The following SYT10 variants were observed in gnomAD, a reference collection of about 807,000 sequenced individuals.
SYT10 encodes synaptotagmin 10.
A neutral mutation model predicts 51.1 loss-of-function variants in SYT10; 31 were observed. That is an observed-to-expected ratio of 0.61 (90% confidence interval 0.46 to 0.82). SYT10 has a LOEUF of 0.82. Among genes scored for constraint, SYT10 ranks in the 40% least tolerant of loss-of-function variants. SYT10 has a pLI of 0.00. For missense variants in SYT10, 603 were observed against 634.0 expected (o/e 0.95, Z 0.53); for synonymous variants, 233 against 225.9 (o/e 1.03, Z -0.28).
In SYT10 at chr12:33,439,751, G is replaced by C. The variant is rs1477562044; in HGVS notation, c.-229C>G. ...CGCGAGGAGGCTGCGGCTGCCGCGA[G>C]GTTTGCGCCAACTCTCCCGCCGCGC... On this transcript the variant is annotated 5_prime_UTR_variant, in exon 1 of 7. Transcript: ENST00000228567. The C allele has an allele frequency of 1.9e-6, 1 of 536,686 alleles. No homozygotes were observed. Among genetic ancestry groups the C allele is most frequent in the Non-Finnish European group, 3.2e-6 (1 of 309,616 alleles). 33.2% of individuals were successfully genotyped at this position (536,686 alleles called of 1,614,324 possible). A position where few individuals can be genotyped will look rare whatever the true frequency, so the allele number is the denominator to read the frequency against.
intron 3 of SYT10, among the ~76,000 whole-genome samples, chr12:33,396,960 C>T (rs1320572038): frequency 6.6e-6 from 1 of 152,094 alleles, no homozygotes; most frequent in Non-Finnish European, 1.5e-5. Context: ...TTAAGGAGAT[C>T]CTTTGAAGTT....
intron 2 of SYT10, among the ~76,000 whole-genome samples, chr12:33,412,137 C>T (rs1254241336): frequency 2.0e-5 from 3 of 151,972 alleles, no homozygotes; most frequent in Non-Finnish European, 4.4e-5. Flanking sequence ...CTCCCTTGTG[C>T]TTTTCAATAT....
chr12:33,393,571 T>C (rs1452758059), intron 3 of SYT10, among the ~76,000 whole-genome samples: 1 of 152,204 alleles, frequency 6.6e-6, no homozygotes, highest in African/African-American at 2.4e-5. Flanking sequence ...CACTTCTTGC[T>C]CTCAAAGTTT....
chr12:33,384,626 T>C (rs572481140), intron 4 of SYT10, among the ~76,000 whole-genome samples: 52 of 152,350 alleles, frequency 3.4e-4, no homozygotes, highest in Non-Finnish European at 6.5e-4. Context: ...TTAGCACAAG[T>C]AGAATTTCCT....
In SYT10 at chr12:33,379,815, G is replaced by A; in HGVS notation, c.1500+17C>T. ...GAGACAACAAAAAGAGCAGACGTAA[G>A]GAACTCACAAGCTTACCTCCAGCAA... On this transcript the variant is annotated intron_variant, in intron 6 of 6. Coordinates refer to ENST00000228567, the MANE Select transcript of SYT10 (RefSeq NM_198992.4). 6.2e-7 allele frequency: 1 copy of A among 1,613,466 alleles called. No individual in the cohort carries two copies. The highest frequency in any genetic ancestry group is 8.5e-7 in the Non-Finnish European group (1 of 1,179,644).
chr12:33,410,787 AT>A (rs1866398482), intron 2 of SYT10, among the ~76,000 whole-genome samples: 1 of 152,232 alleles, frequency 6.6e-6, no homozygotes. Context: ...TATGAAAAAA[AT>A]AATGTCAAAT....
intron 3 of SYT10, among the ~76,000 whole-genome samples, chr12:33,390,188 G>A (rs889878772): frequency 2.0e-5 from 3 of 152,270 alleles, no homozygotes; most frequent in African/African-American, 7.2e-5. Context: ...ACAAACAATC[G>A]CTGATGTGAA....
rs533464317 is a variant in SYT10 at position 33,396,793 on chromosome 12, G to A, written c.1077+9996C>T. On this transcript the variant is annotated intron_variant, in intron 3 of 6. Coordinates refer to ENST00000228567, the MANE Select transcript of SYT10 (RefSeq NM_198992.4). ...CCACCTCCTGGGTTGAAGCAATTCTGCCTCAGCCTCCCAAATAGCTGGGAC... is the reference window on the plus strand; with the variant it reads ...CCACCTCCTGGGTTGAAGCAATTCTACCTCAGCCTCCCAAATAGCTGGGAC... Among the ~76,000 whole-genome samples, 4 of 151,314 alleles carry A rather than the reference G, an allele frequency of 2.6e-5. No homozygotes were observed. In the East Asian group the frequency reaches 7.8e-4, roughly 30 times the overall value.
At chr12:33,389,891 A>G (rs1866189018) in intron 3 of SYT10, among the ~76,000 whole-genome samples, 1 of 152,202 alleles carries the variant, frequency 6.6e-6, no homozygotes, top group African/African-American at 2.4e-5. Context: ...TATTGGACTC[A>G]AACCACTGTA....
At chr12:33,405,329 C>T (rs12313930) in intron 3 of SYT10, 55 of 151,996 alleles carry the variant, frequency 3.6e-4, no homozygotes, top group African/African-American at 1.3e-3. Context: ...TCATGTTTTC[C>T]CCGTGGGAAT....
intron 3 of SYT10, among the ~76,000 whole-genome samples, chr12:33,402,043 A>G (rs1432213671): frequency 6.6e-6 from 1 of 152,162 alleles, no homozygotes; most frequent in South Asian, 2.1e-4. Flanking sequence ...ACCAGCCTCA[A>G]TAGGCTTTGT....
At chr12:33,404,176 CT>C (rs1228386060) in intron 3 of SYT10, among the ~76,000 whole-genome samples, 4 of 151,974 alleles carry the variant, frequency 2.6e-5, no homozygotes, top group Non-Finnish European at 5.9e-5. Flanking sequence ...GCAAAAGGGG[CT>C]TTGTGGATGT....
intron 2 of SYT10, among the ~76,000 whole-genome samples, chr12:33,411,981 G>C (rs1443346239): frequency 1.3e-5 from 2 of 152,038 alleles, no homozygotes; most frequent in Non-Finnish European, 2.9e-5. Context: ...ATATTCTTAA[G>C]ATATTTAGGA....
At position 33,374,756 on chromosome 12, in the gene SYT10, T is replaced by G. The variant is rs1392561199; in HGVS notation, c.*2074A>C. ...CAATTCCCATATTAGAGTCTTCTGATTGGCCAATGGTTCACATTTTTTCAT... is the reference window on the plus strand; with the variant it reads ...CAATTCCCATATTAGAGTCTTCTGAGTGGCCAATGGTTCACATTTTTTCAT... On this transcript the variant is annotated 3_prime_UTR_variant, in exon 7 of 7. Coordinates refer to ENST00000228567, the MANE Select transcript of SYT10 (RefSeq NM_198992.4). 6.6e-6 allele frequency: 1 copy of G among 151,908 alleles called. No individual in the cohort carries two copies. The highest frequency in any genetic ancestry group is 1.5e-5 in the Non-Finnish European group (1 of 67,888). 9.4% of individuals were successfully genotyped at this position (151,908 alleles called of 1,614,324 possible).
chr12:33,378,176 T>A (rs953314684), intron 6 of SYT10, among the ~76,000 whole-genome samples: 3 of 152,298 alleles, frequency 2.0e-5, no homozygotes, highest in Non-Finnish European at 4.4e-5. Flanking sequence ...ATTTACACAA[T>A]CTTGTTCTCA....
At chr12:33,402,205 C>T (rs1465690585) in intron 3 of SYT10, among the ~76,000 whole-genome samples, 1 of 152,196 alleles carries the variant, frequency 6.6e-6, no homozygotes, top group Non-Finnish European at 1.5e-5. Flanking sequence ...ATAGAAACTC[C>T]TATGACATTA....
chr12:33,425,572 T>C (rs1328208764), intron 2 of SYT10, among the ~76,000 whole-genome samples: 1 of 152,158 alleles, frequency 6.6e-6, no homozygotes, highest in Non-Finnish European at 1.5e-5. Flanking sequence ...GTGGAACTTA[T>C]ACTTTGCCCA....
Position 33,439,367 on chromosome 12 carries a change from G to A in SYT10, c.151+5C>T. 1 of 1,611,482 alleles carries A rather than the reference G, an allele frequency of 6.2e-7. No homozygotes were observed. Among genetic ancestry groups the A allele is most frequent in the Non-Finnish European group, 8.5e-7 (1 of 1,178,992 alleles). ...CGAGGACGCGAGCGGAGCCCTCCCG[G>A]TTACCTGTGCTGCTTCCGCCCTGGC... is the stretch of plus-strand genomic sequence containing the variant. On this transcript the variant is annotated splice_donor_5th_base_variant and intron_variant, in intron 1 of 6. Transcript: ENST00000228567.
In SYT10 at chr12:33,392,393, C is replaced by T. The variant is rs566402743; in HGVS notation, c.1078-7102G>A. Among the ~76,000 whole-genome samples the T allele has an allele frequency of 2.0e-5, 3 of 152,214 alleles. No homozygotes were observed. In the East Asian group the frequency reaches 5.8e-4, roughly 30 times the overall value. On this transcript the variant is annotated intron_variant, in intron 3 of 6. Coordinates refer to ENST00000228567, the MANE Select transcript of SYT10 (RefSeq NM_198992.4). ...ATTGTAACCCTTTTCCAGTTTCTAG[C>T]CCACTTTCCCCTTTTCCTTCAAAGA... is the stretch of plus-strand genomic sequence containing the variant.
Sources: gnomAD v4.1 joint callset for allele counts (sites outside exome capture counted in the v4.1 genomes callset) on GRCh38, gnomAD v4.1.1 for gene constraint, MANE v1.5 for transcripts, NCBI Gene and HGNC (gene_info 2026-07-23, HGNC 2026-07-21) for gene names.